Variants in DPYD observed in about 807,000 individuals in gnomAD.
DPYD encodes dihydropyrimidine dehydrogenase.
DPYD carries 109 observed loss-of-function variants against 116.2 expected under a neutral mutation model. That is an observed-to-expected ratio of 0.94 (90% CI 0.80 to 1.10). The LOEUF (loss-of-function observed/expected upper bound fraction) is 1.10. Ranked by LOEUF, DPYD falls within the 50% of genes least tolerant of loss-of-function variation. The pLI, the probability that DPYD is intolerant of heterozygous loss-of-function variation, is 0.00. For synonymous variants in DPYD, 440 were observed against 432.0 expected (o/e 1.02, Z -0.23); for missense variants, 1,302 against 1,254.5 (o/e 1.04, Z -0.57).
chr1:97,176,778 G>A (rs1657289496), intron 20 of DPYD, among the ~76,000 whole-genome samples: 1 of 151,872 alleles, frequency 6.6e-6, no homozygotes, highest in Non-Finnish European at 1.5e-5. Flanking sequence ...AATAAAGAGA[G>A]GAATATTGGC....
intron 14 of DPYD, among the ~76,000 whole-genome samples, chr1:97,427,902 T>C (rs552241406): frequency 6.6e-6 from 1 of 152,224 alleles, no homozygotes; most frequent in East Asian, 1.9e-4. Flanking sequence ...AAATAGTATG[T>C]ATTCACCTCT....
At chr1:97,619,501 C>T (rs1206094286) in intron 8 of DPYD, among the ~76,000 whole-genome samples, 1 of 152,088 alleles carries the variant, frequency 6.6e-6, no homozygotes, top group Non-Finnish European at 1.5e-5. Flanking sequence ...TATGAGAATC[C>T]TGAAGGAATA....
intron 16 of DPYD, among the ~76,000 whole-genome samples, chr1:97,316,594 C>T (rs1667868922): frequency 6.7e-6 from 1 of 148,896 alleles, no homozygotes; most frequent in Non-Finnish European, 1.5e-5. Flanking sequence ...GAAACTTCTT[C>T]CAGGTGTGTT....
At chr1:97,888,953 T>G (rs766976918) in intron 1 of DPYD, among the ~76,000 whole-genome samples, 2 of 152,058 alleles carry the variant, frequency 1.3e-5, no homozygotes, top group Non-Finnish European at 2.9e-5. Flanking sequence ...GGTCAGGAGT[T>G]CAAGACCAGC....
intron 16 of DPYD, among the ~76,000 whole-genome samples, chr1:97,335,364 T>C (rs535106402): frequency 3.4e-5 from 5 of 148,428 alleles, no homozygotes; most frequent in Non-Finnish European, 7.4e-5. Context: ...GGATCCAGAA[T>C]TCCTGAAGAA....
At chr1:97,673,548 G>A (rs895120405) in intron 8 of DPYD, among the ~76,000 whole-genome samples, 1 of 152,096 alleles carries the variant, frequency 6.6e-6, no homozygotes, top group African/African-American at 2.4e-5. Context: ...CACTTTGCTA[G>A]GCACCAAACA....
chr1:97,122,969 G>A (rs920474577), intron 20 of DPYD, among the ~76,000 whole-genome samples: 4 of 151,932 alleles, frequency 2.6e-5, no homozygotes, highest in African/African-American at 9.7e-5. Flanking sequence ...TTAAATATAA[G>A]GTTGCCTATA....
rs563119524 is a variant in DPYD, at chr1:97,915,617, G to A, written c.39+5267C>T. On this transcript the variant is annotated intron_variant, in intron 1 of 22. Transcript: ENST00000370192. ...ATTATGAGCAAATGAAGTCCAGAAG[G>A]TAAATATGTCACATTTTAAAATCAA... Among the ~76,000 whole-genome samples, 25 of 152,170 alleles carry A rather than the reference G, an allele frequency of 1.6e-4. 1 individual carries two copies. Among genetic ancestry groups the A allele is most frequent in the African/African-American group, 6.0e-4 (25 of 41,518 alleles).
At chr1:97,163,082 A>G (rs1656050970) in intron 20 of DPYD, among the ~76,000 whole-genome samples, 1 of 151,672 alleles carries the variant, frequency 6.6e-6, no homozygotes, top group Non-Finnish European at 1.5e-5. Flanking sequence ...CAAGGACTTC[A>G]TGTCTAAAAC....
chr1:97,663,770 G>A (rs535524931), intron 8 of DPYD, among the ~76,000 whole-genome samples: 17 of 152,268 alleles, frequency 1.1e-4, no homozygotes, highest in Non-Finnish European at 1.6e-4. Context: ...GTCAGCACAC[G>A]TCTCTGGAAG....
In DPYD at chr1:97,445,168, A is replaced by G. The variant is rs147410827; in HGVS notation, c.1905+4891T>C. Reference sequence around the variant, plus strand: ...TGCTGACCGACTTCCCCTCTTCCACAGTCATAACTACAGATTTGATTGGAC... The same window carrying G: ...TGCTGACCGACTTCCCCTCTTCCACGGTCATAACTACAGATTTGATTGGAC... On this transcript the variant is annotated intron_variant, in intron 14 of 22. Coordinates refer to ENST00000370192, the MANE Select transcript of DPYD (RefSeq NM_000110.4). 1.8e-3 allele frequency among the ~76,000 whole-genome samples: 281 copies of G among 152,316 alleles called. 1 individual carries two copies. Among genetic ancestry groups the G allele is most frequent in the Admixed American group, 2.8e-3 (43 of 15,308 alleles).
intron 3 of DPYD, among the ~76,000 whole-genome samples, chr1:97,752,785 A>G (rs1665004739): frequency 6.6e-6 from 1 of 152,160 alleles, no homozygotes; most frequent in Non-Finnish European, 1.5e-5. Flanking sequence ...TCCCTTATCA[A>G]AGCAATTATC....
At chr1:97,577,075 A>G (rs1653312452) in intron 10 of DPYD, among the ~76,000 whole-genome samples, 2 of 152,238 alleles carry the variant, frequency 1.3e-5, no homozygotes, top group South Asian at 4.1e-4. Flanking sequence ...GGGAAATACT[A>G]GGACAATGAA....
rs113705252 is a variant in DPYD at position 97,433,253 on chromosome 1, G to T, written c.1905+16806C>A. Among the ~76,000 whole-genome samples, 1,160 of 152,230 alleles carry T rather than the reference G, an allele frequency of 7.6e-3. 15 individuals carry two copies. Among genetic ancestry groups the T allele is most frequent in the African/African-American group, 0.027 (1,111 of 41,544 alleles). ...GATATCTCTCAGCTTGGCTGCCTTGGCTTTACATTTGGTTGACAATTCAGT... is the reference window on the plus strand; with the variant it reads ...GATATCTCTCAGCTTGGCTGCCTTGTCTTTACATTTGGTTGACAATTCAGT... On this transcript the variant is annotated intron_variant, in intron 14 of 22. Transcript: ENST00000370192.
intron 8 of DPYD, among the ~76,000 whole-genome samples, chr1:97,623,111 G>A (rs1211206498): frequency 6.6e-6 from 1 of 152,060 alleles, no homozygotes; most frequent in Non-Finnish European, 1.5e-5. Context: ...GAAAGTGAAT[G>A]GAGTTAGTCC....
chr1:97,206,671 T>TAC (rs1200333766), intron 19 of DPYD, among the ~76,000 whole-genome samples: 9 of 101,672 alleles, frequency 8.9e-5, no homozygotes, highest in African/African-American at 4.5e-4. Flanking sequence ...TATATATATA[T>TAC]ATATATATAT....
At chr1:97,418,308 T>G (rs778763043) in intron 14 of DPYD, among the ~76,000 whole-genome samples, 2 of 91,852 alleles carry the variant, frequency 2.2e-5, no homozygotes, top group Non-Finnish European at 4.4e-5. Flanking sequence ...ATAAGATGAT[T>G]TTTTTTTTTT....
In DPYD at chr1:97,828,946, T is replaced by A. The variant is rs542994605; in HGVS notation, c.151-750A>T. 5.9e-5 allele frequency among the ~76,000 whole-genome samples: 9 copies of A among 151,980 alleles called. No homozygotes were observed. The South Asian group carries it at 8.3e-4, about 14-fold the overall frequency. ...AATTTTCTAAAAGTACTTTAAAAAATTTTTACTACAATTCTAAATATAATT... is the reference window on the plus strand; with the variant it reads ...AATTTTCTAAAAGTACTTTAAAAAAATTTTACTACAATTCTAAATATAATT... On this transcript the variant is annotated intron_variant, in intron 2 of 22. Transcript: ENST00000370192.
chr1:97,891,828 C>G (rs1672794147), intron 1 of DPYD, among the ~76,000 whole-genome samples: 1 of 151,854 alleles, frequency 6.6e-6, no homozygotes, highest in Admixed American at 6.6e-5. Flanking sequence ...TAGTAATTAT[C>G]CAAACATAGT....
Sources: gnomAD v4.1 joint callset for allele counts (sites outside exome capture counted in the v4.1 genomes callset) on GRCh38, gnomAD v4.1.1 for gene constraint, MANE v1.5 for transcripts, NCBI Gene and HGNC (gene_info 2026-07-23, HGNC 2026-07-21) for gene names.